Variants in NECAB3 observed in about 807,000 individuals in gnomAD.
NECAB3 encodes the protein N-terminal EF-hand calcium-binding protein 3.
In NECAB3, 38 loss-of-function variants were observed where a neutral mutation model predicts 57.2. The ratio of observed to expected loss-of-function variants is 0.66; its 90% CI spans 0.51 to 0.87. The LOEUF (loss-of-function observed/expected upper bound fraction) is 0.87. NECAB3 is among the 40% of genes least tolerant of loss of function. The pLI, the probability that NECAB3 is intolerant of heterozygous loss-of-function variation, is 0.00. For synonymous variants in NECAB3, 223 were observed against 222.6 expected, an observed-to-expected ratio of 1.00 and a Z score of -0.02; for missense variants, 474 against 527.5, an observed-to-expected ratio of 0.90 and a Z score of 0.99.
chr20:33,663,643 T>C (rs1159486176), intron 5 of NECAB3: 13 of 1,604,992 alleles, frequency 8.1e-6, no homozygotes, highest in African/African-American at 1.3e-5. Flanking sequence ...GGCACCCAGA[T>C]TGCGCGGAGC....
chr20:33,673,036 G>A (rs1458874079), intron 1 of NECAB3, among the ~76,000 whole-genome samples: 4 of 152,154 alleles, frequency 2.6e-5, no homozygotes, highest in African/African-American at 9.7e-5. Context: ...GAGGACCTTC[G>A]GCAGGCGTGT....
chr20:33,671,249 G>GC (rs2122521291), intron 2 of NECAB3, among the ~76,000 whole-genome samples: 1 of 152,300 alleles, frequency 6.6e-6, no homozygotes, highest in African/African-American at 2.4e-5. Flanking sequence ...ACTAGTTGGA[G>GC]CCTCTGTAGG....
chr20:33,658,993 C>T (rs533971662), intron 8 of NECAB3, among the ~76,000 whole-genome samples, 159 bp from the exon 9 acceptor site: 3 of 152,268 alleles, frequency 2.0e-5, no homozygotes, highest in African/African-American at 4.8e-5. Context: ...TGTGGGATCA[C>T]GGCTTACTGC....
At chr20:33,672,357 C>T in intron 2 of NECAB3, 41 bp downstream of exon 2, 2 of 1,613,742 alleles carry the variant, frequency 1.2e-6, no homozygotes, top group Non-Finnish European at 1.7e-6. Context: ...GGATGCCTCC[C>T]ACCCTGCCCC....
rs1013764253 is a variant in NECAB3, at chr20:33,662,255, G to A, written c.388-1860C>T. ...GGTGCTCAGAGCCTGCAATTGGTGA[G>A]GTCAGCCCGTGAGGTCACAATGTTG... On this transcript the variant is annotated intron_variant, in intron 5 of 11. Coordinates refer to ENST00000246190, the MANE Select transcript of NECAB3 (RefSeq NM_031232.4). The A allele has an allele frequency of 1.3e-5, 19 of 1,492,360 alleles. No individual in the cohort carries two copies. In the Middle Eastern group the frequency reaches 1.1e-3, roughly 83 times the overall value. 92.4% of individuals were successfully genotyped at this position (1,492,360 alleles called of 1,614,324 possible).
chr20:33,674,402 G>A lies in NECAB3; in HGVS notation c.-50C>T, dbSNP rs1171081695. The A allele has an allele frequency of 1.1e-5, 13 of 1,131,010 alleles. No homozygotes were observed. The highest frequency in any genetic ancestry group is 1.4e-5 in the Non-Finnish European group (13 of 923,714). The allele number at this position is 1,131,010 out of a possible 1,614,324, so 70.1% of individuals were successfully genotyped here. A position where few individuals can be genotyped will look rare whatever the true frequency, so the allele number is the denominator to read the frequency against. On this transcript the variant is annotated 5_prime_UTR_variant, in exon 1 of 12. Transcript: ENST00000246190. The stretch of plus-strand genomic sequence containing the variant: ...GCTGCGGTTGCTGCCGACCCTGGAC[G>A]CCGCGGCGGACTCGGTGTGGCTAGA...
At chr20:33,672,271 C>G in intron 2 of NECAB3, 127 bp downstream of exon 2, 1 of 1,103,286 alleles carries the variant, frequency 9.1e-7, no homozygotes, top group Non-Finnish European at 1.4e-6. Context: ...TTGATTGATT[C>G]TCCTGTTTTG....
intron 8 of NECAB3, 122 bp from the exon 9 acceptor site, chr20:33,658,956 T>C (rs1042655809): frequency 5.8e-6 from 4 of 694,250 alleles, no homozygotes; most frequent in Non-Finnish European, 1.0e-5. Flanking sequence ...AGGGTCTTGC[T>C]CTCACCCAGG....
rs368882333 is a variant in NECAB3 at position 33,658,477 on chromosome 20, C to G, written c.1070G>C (p.Arg357Thr). ...EFWQDEASWRRHQQSPGSKAF... is the reference protein window; with the variant it reads ...EFWQDEASWRTHQQSPGSKAF... ...TTAGCGGCCAGACTGGCACTCATAC[C>G]TTCTCCAGGAGGCCTCATCCTGCCA... The change falls in exon 10 of 12, where the codon AGG becomes ACG. Residue 357 changes from arginine (R) to threonine (T), a missense_variant and splice_region_variant. Coordinates refer to ENST00000246190, the MANE Select transcript of NECAB3 (RefSeq NM_031232.4). The G allele has an allele frequency of 6.2e-7, 1 of 1,613,970 alleles. No individual in the cohort carries two copies. The highest frequency in any genetic ancestry group is 8.5e-7 in the Non-Finnish European group (1 of 1,179,930).
chr20:33,672,910 A>G (rs1368135437), intron 1 of NECAB3, among the ~76,000 whole-genome samples: 1 of 152,086 alleles, frequency 6.6e-6, no homozygotes, highest in Non-Finnish European at 1.5e-5. Flanking sequence ...TTGAAAACCA[A>G]CAGCAGGCAG....
chr20:33,661,711 C>A (rs1203682238), intron 5 of NECAB3, among the ~76,000 whole-genome samples: 2 of 152,246 alleles, frequency 1.3e-5, no homozygotes, highest in Non-Finnish European at 2.9e-5. Context: ...AGTGAAGCGG[C>A]ATGATCTTGG....
In NECAB3 at chr20:33,668,433, C is replaced by T. The variant is rs140489990; in HGVS notation, c.387+942G>A. The T allele has an allele frequency of 4.2e-4, 287 of 681,190 alleles. No individual in the cohort carries two copies. In the African/African-American group the frequency reaches 4.8e-3, roughly 11 times the overall value. 42.2% of individuals were successfully genotyped at this position (681,190 alleles called of 1,614,324 possible). ...TGAACTGCAGTTTGAATCTCCCCAA[C>T]CACTGCCAGTTCAGAGAATGCCAGT... is the stretch of plus-strand genomic sequence containing the variant. On this transcript the variant is annotated intron_variant, in intron 5 of 11. Coordinates refer to ENST00000246190, the MANE Select transcript of NECAB3 (RefSeq NM_031232.4).
chr20:33,669,569 C>A, intron 4 of NECAB3, 97 bp from the exon 5 acceptor site: 1 of 1,545,384 alleles, frequency 6.5e-7, no homozygotes, highest in Non-Finnish European at 8.8e-7. Flanking sequence ...GCCAAGCAGG[C>A]CTTATATCCT....
chr20:33,657,560 G>A lies in NECAB3; in HGVS notation c.*269C>T. On this transcript the variant is annotated 3_prime_UTR_variant, in exon 12 of 12. Coordinates refer to ENST00000246190, the MANE Select transcript of NECAB3 (RefSeq NM_031232.4). ...TGGGTCGCTCAGCCAGGCAGGGACA[G>A]CAGGGACCAGAATCCAGGTCTCCTG... 2.3e-6 allele frequency: 1 copy of A among 434,436 alleles called. No homozygotes were observed. Among genetic ancestry groups the A allele is most frequent in the Non-Finnish European group, 4.0e-6 (1 of 248,022 alleles). 26.9% of individuals were successfully genotyped at this position (434,436 alleles called of 1,614,324 possible).
At chr20:33,658,909 T>C (rs1300021044) in intron 8 of NECAB3, 75 bp from the exon 9 acceptor site, 1 of 1,017,600 alleles carries the variant, frequency 9.8e-7, no homozygotes, top group Non-Finnish European at 1.5e-6. Context: ...CTCCAGGAGG[T>C]TCTCAGCTGT....
In NECAB3 at chr20:33,660,486, T is replaced by C; in HGVS notation, c.388-91A>G. 6.5e-7 allele frequency: 1 copy of C among 1,527,894 alleles called. No individual in the cohort carries two copies. 94.6% of individuals were successfully genotyped at this position (1,527,894 alleles called of 1,614,324 possible). On this transcript the variant is annotated intron_variant, in intron 5 of 11. Coordinates refer to ENST00000246190, the MANE Select transcript of NECAB3 (RefSeq NM_031232.4). This position sits in a 1 kb window ranked among gnomAD's most constrained non-coding sequence, Gnocchi z 4.1. ...TGCCTCTTGCCCATCAGAGCAGCGG[T>C]GGCAGTGCCAAGAGCAGGGGCACGC... is the stretch of plus-strand genomic sequence containing the variant.
At chr20:33,667,190 G>C in intron 5 of NECAB3, 1 of 288,970 alleles carries the variant, frequency 3.5e-6, no homozygotes, top group Non-Finnish European at 6.4e-6. Context: ...GGCTTCGCGG[G>C]CGAGAACCAG....
Position 33,674,369 on chromosome 20 carries a change from C to A in NECAB3, c.-17G>T. 2 of 1,170,442 alleles carry A rather than the reference C, an allele frequency of 1.7e-6. No individual in the cohort carries two copies. The highest frequency in any genetic ancestry group is 8.4e-5 in the South Asian group (2 of 23,742). 72.5% of individuals were successfully genotyped at this position (1,170,442 alleles called of 1,614,324 possible). ...GCACGCCATGGCGCCGCCACCCGCTCGGGCTCGGCTGCGGTTGCTGCCGAC... is the reference window on the plus strand; with the variant it reads ...GCACGCCATGGCGCCGCCACCCGCTAGGGCTCGGCTGCGGTTGCTGCCGAC... On this transcript the variant is annotated 5_prime_UTR_variant, in exon 1 of 12. Coordinates refer to ENST00000246190, the MANE Select transcript of NECAB3 (RefSeq NM_031232.4).
chr20:33,668,045 T>TGGAGGCGCAGTGCC, intron 5 of NECAB3: 1 of 1,555,922 alleles, frequency 6.4e-7, no homozygotes, highest in Non-Finnish European at 8.7e-7. Context: ...GACAAGGAGC[T>TGGAGGCGCAGTGCC]GGAGGCGCAG....
Sources: gnomAD v4.1 joint callset for allele counts (sites outside exome capture counted in the v4.1 genomes callset) on GRCh38, gnomAD v4.1.1 for gene constraint, Gnocchi (gnomAD v3.1) non-coding constraint, MANE v1.5 for transcripts, NCBI Gene and HGNC (gene_info 2026-07-23, HGNC 2026-07-21) for gene names.